RORB: variants seen among roughly 807,000 people sequenced by gnomAD.
The protein encoded by RORB is RAR related orphan receptor B.
RORB carries 6 observed loss-of-function variants against 59.1 expected under a neutral mutation model. The observed-to-expected ratio is 0.10, with a 90% confidence interval of 0.06 to 0.20. The LOEUF (loss-of-function observed/expected upper bound fraction) is 0.20, where lower values mean the gene tolerates loss of function less well. Ranked by LOEUF, RORB falls within the 10% of genes least tolerant of loss-of-function variation. RORB has a pLI of 1.00. For synonymous variants in RORB, 215 were observed against 204.5 expected, an observed-to-expected ratio of 1.05 and a Z score of -0.44; for missense variants, 320 against 560.5, an observed-to-expected ratio of 0.57 and a Z score of 4.33.
chr9:74,591,152 C>T (rs149752203), intron 1 of RORB, among the ~76,000 whole-genome samples: 13 of 152,268 alleles, frequency 8.5e-5, no homozygotes, highest in East Asian at 3.9e-4. Context: ...AAAGAGGTAA[C>T]GATGAAGATC....
At chr9:74,500,131 C>G (rs1825786620) in intron 1 of RORB, among the ~76,000 whole-genome samples, 1 of 152,172 alleles carries the variant, frequency 6.6e-6, no homozygotes, top group Admixed American at 6.5e-5. Context: ...GGGCGCCAGC[C>G]TCGCCAGGCG....
intron 2 of RORB, among the ~76,000 whole-genome samples, chr9:74,632,421 A>G (rs191002175): frequency 6.6e-6 from 1 of 152,322 alleles, no homozygotes; most frequent in Admixed American, 6.5e-5. Context: ...TCAGAATTTG[A>G]TGCCAATGTC....
intron 1 of RORB, among the ~76,000 whole-genome samples, chr9:74,540,228 C>A (rs1231955689): frequency 2.0e-5 from 3 of 152,090 alleles, no homozygotes; most frequent in Non-Finnish European, 4.4e-5. Flanking sequence ...ATATTGAGGG[C>A]TTTTGCTGCC....
intron 1 of RORB, among the ~76,000 whole-genome samples, chr9:74,589,128 A>G (rs1424209255): frequency 6.6e-6 from 1 of 152,202 alleles, no homozygotes; most frequent in Non-Finnish European, 1.5e-5. Context: ...ATAATTGTCC[A>G]TGTTTTAGGT....
chr9:74,633,616 T>C (rs1017306801), intron 2 of RORB, among the ~76,000 whole-genome samples: 31 of 152,172 alleles, frequency 2.0e-4, no homozygotes, highest in African/African-American at 7.2e-4. Flanking sequence ...TGATAACTTA[T>C]CTATCTCTGG....
intron 1 of RORB, among the ~76,000 whole-genome samples, chr9:74,499,991 G>A (rs1354032740): frequency 2.0e-5 from 3 of 152,206 alleles, no homozygotes; most frequent in Non-Finnish European, 4.4e-5. Context: ...GGAGCAGTTT[G>A]CAGATGACTG....
rs540698926 is a variant in RORB, at chr9:74,517,006, A to G, written c.7+19023A>G. On this transcript the variant is annotated intron_variant, in intron 1 of 9. Transcript: ENST00000376896. ...TATGAAGGAGCTCACCCCTTTTTCA[A>G]TGGGAGCTAATTAATATTTTATTTT... Among the ~76,000 whole-genome samples the G allele has an allele frequency of 2.0e-5, 3 of 151,982 alleles. No individual in the cohort carries two copies. In the East Asian group the frequency reaches 5.8e-4, roughly 29 times the overall value.
Position 74,678,328 on chromosome 9 carries a change from C to T in RORB, c.1224+6427C>T, listed in dbSNP as rs182995134. Among the ~76,000 whole-genome samples, 20 of 152,270 alleles carry T rather than the reference C, an allele frequency of 1.3e-4. No homozygotes were observed. The East Asian group carries it at 3.7e-3, about 28-fold the overall frequency. On this transcript the variant is annotated intron_variant, in intron 9 of 9. Coordinates refer to ENST00000376896, the MANE Select transcript of RORB (RefSeq NM_006914.4). The stretch of plus-strand genomic sequence containing the variant: ...TCCAGCTCAGACCTCTGCAACTTCC[C>T]AGGGAGAATTGCAGTAAGTTGGGCC...
At chr9:74,619,544 C>A (rs904432897) in intron 1 of RORB, among the ~76,000 whole-genome samples, 1 of 152,124 alleles carries the variant, frequency 6.6e-6, no homozygotes, top group African/African-American at 2.4e-5. Context: ...CTCTGCCTCC[C>A]AGGTTCAAGC....
At chr9:74,598,978 T>G (rs1027021864) in intron 1 of RORB, among the ~76,000 whole-genome samples, 2 of 152,164 alleles carry the variant, frequency 1.3e-5, no homozygotes, top group African/African-American at 4.8e-5. Context: ...GAATACTCTA[T>G]TCCCTCAATA....
intron 4 of RORB, among the ~76,000 whole-genome samples, chr9:74,652,702 T>C (rs1824014712): frequency 6.6e-6 from 1 of 152,208 alleles, no homozygotes; most frequent in Non-Finnish European, 1.5e-5. Flanking sequence ...AGTTATGCCA[T>C]TCGCTGATAT....
chr9:74,625,792 C>G (rs552020925), intron 1 of RORB, among the ~76,000 whole-genome samples: 5 of 152,092 alleles, frequency 3.3e-5, no homozygotes, highest in East Asian at 1.9e-4. Context: ...TTAAAATGCC[C>G]AGAATATAGG....
Position 74,503,193 on chromosome 9 carries a change from T to C in RORB, c.7+5210T>C, listed in dbSNP as rs547579701. On this transcript the variant is annotated intron_variant, in intron 1 of 9. Coordinates refer to ENST00000376896, the MANE Select transcript of RORB (RefSeq NM_006914.4). ...TAATGAATGATGACCTTTGATGAAA[T>C]AAGCACTCTAAACAAAAAGTATTAT... 2.0e-4 allele frequency among the ~76,000 whole-genome samples: 30 copies of C among 152,198 alleles called. 1 individual carries two copies. The highest frequency in any genetic ancestry group is 3.4e-3 in the Middle Eastern group (1 of 294).
chr9:74,575,579 G>A (rs1822622126), intron 1 of RORB, among the ~76,000 whole-genome samples: 1 of 151,878 alleles, frequency 6.6e-6, no homozygotes, highest in Non-Finnish European at 1.5e-5. Context: ...TTATCTTCCA[G>A]GACAAATGGA....
intron 1 of RORB, among the ~76,000 whole-genome samples, chr9:74,559,564 A>G (rs921050332): frequency 2.0e-5 from 3 of 152,108 alleles, no homozygotes; most frequent in Admixed American, 6.5e-5. Context: ...TTGACTTTGC[A>G]CATTATTGAT....
chr9:74,644,175 A>G (rs1823856895), intron 4 of RORB, among the ~76,000 whole-genome samples: 1 of 152,206 alleles, frequency 6.6e-6, no homozygotes, highest in Non-Finnish European at 1.5e-5. Context: ...CTGGTTGAGG[A>G]AGAAGCAATG....
At chr9:74,590,610 C>T (rs1587373346) in intron 1 of RORB, among the ~76,000 whole-genome samples, 1 of 152,252 alleles carries the variant, frequency 6.6e-6, no homozygotes, top group Non-Finnish European at 1.5e-5. Context: ...GCTCTTTCCA[C>T]GATGTGCTGT....
intron 1 of RORB, among the ~76,000 whole-genome samples, chr9:74,499,814 T>C (rs1432758139): frequency 6.6e-6 from 1 of 151,944 alleles, no homozygotes; most frequent in Non-Finnish European, 1.5e-5. Context: ...CTTCTAACTT[T>C]CCCCCTGTGG....
intron 9 of RORB, among the ~76,000 whole-genome samples, chr9:74,676,068 G>A (rs986996248): frequency 4.6e-5 from 7 of 152,216 alleles, no homozygotes; most frequent in African/African-American, 1.7e-4. Flanking sequence ...TTGTGGCAGT[G>A]TGCTCACGGC....
Sources: gnomAD v4.1 joint callset for allele counts (sites outside exome capture counted in the v4.1 genomes callset) on GRCh38, gnomAD v4.1.1 for gene constraint, MANE v1.5 for transcripts, NCBI Gene and HGNC (gene_info 2026-07-23, HGNC 2026-07-21) for gene names.